The following DLG1 variants were observed in gnomAD, a reference collection of about 807,000 sequenced individuals.
DLG1 encodes the protein disks large homolog 1.
A neutral mutation model predicts 123.4 loss-of-function variants in DLG1; 42 were observed. The ratio of observed to expected loss-of-function variants is 0.34; its 90% confidence interval spans 0.27 to 0.44. The LOEUF (loss-of-function observed/expected upper bound fraction) is 0.44. Ranked by LOEUF, DLG1 falls within the 20% of genes least tolerant of loss-of-function variation. The probability of loss-of-function intolerance (pLI) is 1.00; values close to 1 mark genes in which losing one functional copy is unlikely to be tolerated. For missense variants in DLG1, 942 were observed against 1,082.6 expected (o/e 0.87, Z 1.82); for synonymous variants, 317 against 356.2 (o/e 0.89, Z 1.24).
Position 197,115,918 on chromosome 3 carries a change from G to T in DLG1, c.1443+9C>A. The T allele has an allele frequency of 6.2e-7, 1 of 1,606,938 alleles. No individual in the cohort carries two copies. Among genetic ancestry groups the T allele is most frequent in the Non-Finnish European group, 8.5e-7 (1 of 1,177,940 alleles). On this transcript the variant is annotated intron_variant, in intron 13 of 24. Coordinates refer to ENST00000667157, the MANE Select transcript of DLG1 (RefSeq NM_001366207.1). ...TAACAAAAACGTGATCTTGACTAACGTGTCTTACCGATATAATACGATCTC... is the reference window on the plus strand; with the variant it reads ...TAACAAAAACGTGATCTTGACTAACTTGTCTTACCGATATAATACGATCTC...
chr3:197,207,190 A>C (rs1048828080), intron 4 of DLG1, among the ~76,000 whole-genome samples: 4 of 152,208 alleles, frequency 2.6e-5, no homozygotes, highest in Admixed American at 6.5e-5. Context: ...TTTGTCCTTC[A>C]CGCAAAGTCT....
At chr3:197,213,088 A>G (rs1485975399) in intron 4 of DLG1, among the ~76,000 whole-genome samples, 2 of 152,234 alleles carry the variant, frequency 1.3e-5, no homozygotes, top group Non-Finnish European at 2.9e-5. Flanking sequence ...AAATAAAAAT[A>G]TATGTCCACA....
intron 4 of DLG1, among the ~76,000 whole-genome samples, chr3:197,240,662 A>C (rs1317090098): frequency 1.3e-5 from 2 of 152,182 alleles, no homozygotes; most frequent in African/African-American, 4.8e-5. Flanking sequence ...TTTATCAGGA[A>C]ATTTTAAAAA....
intron 4 of DLG1, among the ~76,000 whole-genome samples, chr3:197,203,654 G>A (rs942330872): frequency 2.0e-5 from 3 of 152,162 alleles, no homozygotes; most frequent in Non-Finnish European, 4.4e-5. Flanking sequence ...TAAAGCCACA[G>A]ACATTTACTA....
intron 4 of DLG1, among the ~76,000 whole-genome samples, chr3:197,201,424 CA>C (rs540269650): frequency 6.6e-6 from 1 of 152,022 alleles, no homozygotes; most frequent in Non-Finnish European, 1.5e-5. Context: ...AAGACTCCAC[CA>C]AAAAAACTCT....
At chr3:197,139,529 A>T (rs760792741) in intron 8 of DLG1, among the ~76,000 whole-genome samples, 1 of 152,208 alleles carries the variant, frequency 6.6e-6, no homozygotes, top group Non-Finnish European at 1.5e-5. Flanking sequence ...AAAATGACAT[A>T]ATTTATGACC....
intron 5 of DLG1, among the ~76,000 whole-genome samples, chr3:197,150,072 T>C (rs1793116848): frequency 6.6e-6 from 1 of 152,162 alleles, no homozygotes; most frequent in Admixed American, 6.5e-5. Flanking sequence ...AGCCTTCTCA[T>C]AAAACCCATG....
intron 4 of DLG1, among the ~76,000 whole-genome samples, chr3:197,217,929 A>C (rs1035586787): frequency 6.6e-6 from 1 of 152,226 alleles, no homozygotes; most frequent in African/African-American, 2.4e-5. Context: ...TAATATGTGT[A>C]GTTTATTATA....
In DLG1 at chr3:197,076,676, T is replaced by G; in HGVS notation, c.1915A>C (p.Asn639His). Residue 639 changes from asparagine to histidine, a missense_variant, in exon 18 of 25, where the codon AAT becomes CAT. By Grantham distance (68) the Asn-to-His change is moderately conservative. Transcript: ENST00000667157. ...SKTRDKGQSF[N>H]DKRKKNLFSR... ...AAGAGGTTCTTTTTACGCTTGTCAT[T>G]GAATGACTGCTGAAGAAGAGAAGGA... 6.2e-7 allele frequency: 1 copy of G among 1,611,984 alleles called. No individual in the cohort carries two copies. Among genetic ancestry groups the G allele is most frequent in the East Asian group, 2.2e-5 (1 of 44,754 alleles).
intron 4 of DLG1, among the ~76,000 whole-genome samples, chr3:197,238,292 A>G (rs1299272118): frequency 4.6e-5 from 7 of 152,206 alleles, no homozygotes. Flanking sequence ...ATATAAAAAG[A>G]CAATCAGGAG....
chr3:197,183,814 CA>C (rs1385618046), intron 5 of DLG1: 1 of 1,547,608 alleles, frequency 6.5e-7, no homozygotes, highest in Non-Finnish European at 8.7e-7. Flanking sequence ...TTCATCTCTG[CA>C]GCCCTGCAGG....
intron 23 of DLG1, among the ~76,000 whole-genome samples, chr3:197,054,605 T>C (rs978477280): frequency 5.3e-5 from 8 of 152,334 alleles, no homozygotes; most frequent in African/African-American, 1.9e-4. Context: ...TATTTCTTTG[T>C]TGATATTTCC....
At chr3:197,245,909 G>C (rs1473967884) in intron 4 of DLG1, among the ~76,000 whole-genome samples, 1 of 141,692 alleles carries the variant, frequency 7.1e-6, no homozygotes, top group South Asian at 2.4e-4. Flanking sequence ...TTGGGGGGGG[G>C]GGAGGTGGCA....
chr3:197,255,239 CTTG>C (rs749648827), intron 4 of DLG1, among the ~76,000 whole-genome samples: 4 of 152,178 alleles, frequency 2.6e-5, no homozygotes, highest in Admixed American at 6.5e-5. Flanking sequence ...GCACTTTCAA[CTTG>C]TTATCAGAAT....
At chr3:197,051,308 A>T (rs1464713341) in intron 24 of DLG1, among the ~76,000 whole-genome samples, 1 of 148,414 alleles carries the variant, frequency 6.7e-6, no homozygotes, top group Non-Finnish European at 1.5e-5. Flanking sequence ...GGGAGGCCCC[A>T]GCTACTCGGG....
chr3:197,046,872 AAAAAAACAAAAGAC>A (rs1465309908), intron 24 of DLG1, among the ~76,000 whole-genome samples: 5 of 152,228 alleles, frequency 3.3e-5, no homozygotes, highest in African/African-American at 1.2e-4. Flanking sequence ...CCTGGCTCAA[AAAAAAACAAAAGAC>A]AAAAAACAAA....
At chr3:197,065,932 T>C in intron 20 of DLG1, 123 bp from the exon 21 acceptor site, 1 of 589,332 alleles carries the variant, frequency 1.7e-6, no homozygotes, top group South Asian at 2.4e-5. Context: ...CCTCTCCATC[T>C]CACTCTACCA....
At chr3:197,061,505 G>C (rs1228204453) in intron 22 of DLG1, among the ~76,000 whole-genome samples, 1 of 152,202 alleles carries the variant, frequency 6.6e-6, no homozygotes, top group Non-Finnish European at 1.5e-5. Flanking sequence ...TCCTGGTCAA[G>C]GATCGAATTC....
intron 4 of DLG1, among the ~76,000 whole-genome samples, chr3:197,216,329 A>G (rs1263995926): frequency 6.6e-6 from 1 of 152,186 alleles, no homozygotes; most frequent in Non-Finnish European, 1.5e-5. Flanking sequence ...AAAGATTCCC[A>G]AGATTATTCC....
Sources: allele counts gnomAD v4.1 joint callset (sites outside exome capture counted in the v4.1 genomes callset), GRCh38; gene constraint gnomAD v4.1.1; transcripts MANE v1.5; gene names NCBI Gene and HGNC (gene_info 2026-07-23, HGNC 2026-07-21).